Variants in ZNF676 observed in about 807,000 individuals in gnomAD.
ZNF676 encodes zinc finger protein 676.
Under a neutral mutation model 6.0 loss-of-function variants are expected in ZNF676, and 4 were observed. The observed-to-expected ratio is 0.67, with a 90% CI of 0.33 to 1.53. The LOEUF is 1.53. Among genes scored for constraint, ZNF676 ranks in the 40% most tolerant of loss-of-function variants. The pLI is 0.06. For missense variants in ZNF676, 644 were observed against 679.7 expected (o/e 0.95, Z 0.58); for synonymous variants, 198 against 223.1 (o/e 0.89, Z 1.00).
At chr19:22,221,138 T>C in the ZNF676 span, among the ~76,000 whole-genome samples, 73 of 152,246 alleles carry the variant, frequency 4.8e-4, no homozygotes, top group African/African-American at 1.8e-3. Flanking sequence ...TTCTTGTTTC[T>C]CTTGTTCCTT....
chr19:22,243,521 T>C, the ZNF676 span: 1 of 152,010 alleles, frequency 6.6e-6, no homozygotes, highest in Admixed American at 6.5e-5. Context: ...GAGAGTTACA[T>C]CACCCAGGTA....
At chr19:22,219,582 G>T (rs548918065), upstream of ZNF676, among the ~76,000 whole-genome samples, 1 of 152,094 alleles carries the variant, frequency 6.6e-6, no homozygotes, top group Non-Finnish European at 1.5e-5. Context: ...GGGCATTATT[G>T]TCTTGTTCCA....
At chr19:22,241,685 C>T in the ZNF676 span, among the ~76,000 whole-genome samples, 1 of 151,730 alleles carries the variant, frequency 6.6e-6, no homozygotes, top group African/African-American at 2.4e-5. Flanking sequence ...GACCTCCATG[C>T]TGGTATGAAC....
intron 2 of ZNF676, among the ~76,000 whole-genome samples, chr19:22,185,764 T>A (rs1447599955): frequency 6.6e-6 from 1 of 152,062 alleles, no homozygotes; most frequent in East Asian, 1.9e-4. Context: ...GAATCGATAA[T>A]GCAGAAGAAA....
chr19:22,222,346 T>C, the ZNF676 span, among the ~76,000 whole-genome samples: 1 of 152,328 alleles, frequency 6.6e-6, no homozygotes, highest in East Asian at 1.9e-4. Context: ...CCTCAGGTGA[T>C]CTGCCTGCCT....
Position 22,179,789 on chromosome 19 carries a change from G to T in ZNF676, c.*161C>A. 1.1e-6 allele frequency: 1 copy of T among 894,820 alleles called. No homozygotes were observed. Among genetic ancestry groups the T allele is most frequent in the Non-Finnish European group, 1.8e-6 (1 of 549,284 alleles). The allele number at this position is 894,820 out of a possible 1,614,324, so 55.4% of individuals were successfully genotyped here. On this transcript the variant is annotated 3_prime_UTR_variant, in exon 3 of 3. Transcript: ENST00000397121. ...TTGTCACATTCTTCACGTTTGTAGT[G>T]TTTCTCTCCAGCATGAATTTTCTTA...
the ZNF676 span, among the ~76,000 whole-genome samples, chr19:22,234,458 G>A: frequency 6.6e-6 from 1 of 152,184 alleles, no homozygotes; most frequent in South Asian, 2.1e-4. Context: ...TGTTGTGCAT[G>A]ACCCACTTTG....
chr19:22,227,327 A>G, the ZNF676 span, among the ~76,000 whole-genome samples: 1 of 152,298 alleles, frequency 6.6e-6, no homozygotes, highest in East Asian at 1.9e-4. Flanking sequence ...ATGATGACAC[A>G]ATGTACCAGA....
intron 2 of ZNF676, among the ~76,000 whole-genome samples, chr19:22,190,971 A>G (rs1242260714): frequency 1.3e-5 from 2 of 152,034 alleles, no homozygotes; most frequent in East Asian, 3.9e-4. Flanking sequence ...AAGGTCCCCT[A>G]TTTGCTTAAC....
chr19:22,196,232 T>TG (rs1410677943), intron 1 of ZNF676, among the ~76,000 whole-genome samples: 1 of 152,160 alleles, frequency 6.6e-6, no homozygotes, highest in Non-Finnish European at 1.5e-5. Flanking sequence ...AACTTGCTTC[T>TG]GCTCCTGCCA....
the ZNF676 span, among the ~76,000 whole-genome samples, chr19:22,238,035 A>G: frequency 6.6e-6 from 1 of 152,308 alleles, no homozygotes; most frequent in East Asian, 1.9e-4. Flanking sequence ...AAGCCAAAAG[A>G]TAGAATGCCT....
At chr19:22,191,793 A>C (rs1273759667) in intron 2 of ZNF676, among the ~76,000 whole-genome samples, 1 of 151,884 alleles carries the variant, frequency 6.6e-6, no homozygotes, top group African/African-American at 2.4e-5. Flanking sequence ...CTACAACCCC[A>C]CTCTACTACA....
At chr19:22,208,658 C>T (rs777895896) in intron 1 of ZNF676, among the ~76,000 whole-genome samples, 13 of 152,216 alleles carry the variant, frequency 8.5e-5, no homozygotes, top group East Asian at 3.9e-4. Flanking sequence ...ACAGAAAATA[C>T]GGTATGGTTG....
the ZNF676 span, among the ~76,000 whole-genome samples, chr19:22,223,044 G>T: frequency 6.6e-6 from 1 of 152,114 alleles, no homozygotes; most frequent in Admixed American, 6.5e-5. Context: ...TAAACTGTAT[G>T]GCTACAAATG....
chr19:22,216,819 C>T (rs926594998), upstream of ZNF676, among the ~76,000 whole-genome samples: 2 of 151,386 alleles, frequency 1.3e-5, no homozygotes, highest in African/African-American at 2.4e-5. Context: ...CCCTGTAGTA[C>T]CAGCTATTCG....
chr19:22,199,471 T>A (rs1397544328), upstream of ZNF676, among the ~76,000 whole-genome samples: 1 of 152,246 alleles, frequency 6.6e-6, no homozygotes, highest in Non-Finnish European at 1.5e-5. Flanking sequence ...AAGCAGGTAC[T>A]ATGTGCTCAA....
chr19:22,238,045 T>C, the ZNF676 span, among the ~76,000 whole-genome samples: 1 of 152,210 alleles, frequency 6.6e-6, no homozygotes, highest in Non-Finnish European at 1.5e-5. Context: ...ATAGAATGCC[T>C]GAGTTCATCA....
the ZNF676 span, among the ~76,000 whole-genome samples, chr19:22,230,657 G>C: frequency 1.6e-5 from 2 of 124,540 alleles, no homozygotes; most frequent in East Asian, 4.5e-4. Flanking sequence ...ATATGTATTT[G>C]TATATATATA....
chr19:22,220,478 T>C (rs1358999059), upstream of ZNF676, among the ~76,000 whole-genome samples: 9 of 151,046 alleles, frequency 6.0e-5, no homozygotes, highest in Non-Finnish European at 3.0e-5. Context: ...TTTTTTTTTT[T>C]CTTGAGTCTT....
Sources: gnomAD v4.1 joint callset for allele counts (sites outside exome capture counted in the v4.1 genomes callset) on GRCh38, gnomAD v4.1.1 for gene constraint, MANE v1.5 for transcripts, NCBI Gene and HGNC (gene_info 2026-07-23, HGNC 2026-07-21) for gene names.